PCDHA11: variants seen among roughly 807,000 people sequenced by gnomAD.
The protein encoded by PCDHA11 is protocadherin alpha-11.
In PCDHA11, 61 loss-of-function variants were observed where a neutral mutation model predicts 70.3. The observed-to-expected ratio is 0.87, with a 90% CI of 0.71 to 1.07. The LOEUF (loss-of-function observed/expected upper bound fraction) is 1.07. Ranked by LOEUF, PCDHA11 falls within the 50% of genes least tolerant of loss-of-function variation. The probability of loss-of-function intolerance (pLI) is 0.00; values close to 1 mark genes in which losing one functional copy is unlikely to be tolerated. For synonymous variants in PCDHA11, 633 were observed against 555.1 expected, an observed-to-expected ratio of 1.14 and a Z score of -1.97; for missense variants, 1,324 against 1,237.5, an observed-to-expected ratio of 1.07 and a Z score of -1.05.
At chr5:140,967,944 A>T in intron 1 of PCDHA11, 1 of 1,614,088 alleles carries the variant, frequency 6.2e-7, no homozygotes, top group Non-Finnish European at 8.5e-7. Flanking sequence ...AATGACCAAG[A>T]CTCAGGCCCC....
chr5:140,883,834 G>T (rs891069385), intron 1 of PCDHA11: 3 of 1,612,540 alleles, frequency 1.9e-6, no homozygotes, highest in Non-Finnish European at 2.5e-6. Context: ...CGCTGCAGCC[G>T]TTGGACCACG....
intron 1 of PCDHA11, chr5:140,967,558 C>G (rs1554229674): frequency 6.2e-7 from 1 of 1,614,050 alleles, no homozygotes; most frequent in South Asian, 1.1e-5. Flanking sequence ...CTTATCGCGT[C>G]CAGCTACGGG....
intron 1 of PCDHA11, among the ~76,000 whole-genome samples, chr5:140,934,797 T>A (rs1045887352): frequency 6.6e-6 from 1 of 152,236 alleles, no homozygotes; most frequent in African/African-American, 2.4e-5. Context: ...CAATTATCTT[T>A]TTAATGATCA....
intron 1 of PCDHA11, chr5:140,882,794 G>C: frequency 6.2e-7 from 1 of 1,614,188 alleles, no homozygotes; most frequent in Non-Finnish European, 8.5e-7. Context: ...GGATCCCAAC[G>C]ATTATTTCAC....
At chr5:140,967,613 G>C in intron 1 of PCDHA11, 1 of 1,614,182 alleles carries the variant, frequency 6.2e-7, no homozygotes, top group Non-Finnish European at 8.5e-7. Flanking sequence ...GAATGCCTCA[G>C]ACCCGGATGA....
chr5:140,919,915 A>G (rs1306747919), intron 1 of PCDHA11, among the ~76,000 whole-genome samples: 1 of 152,202 alleles, frequency 6.6e-6, no homozygotes, highest in Non-Finnish European at 1.5e-5. Context: ...AAATTACCCT[A>G]AATTTTCAGG....
At chr5:140,887,192 G>A (rs2061344460) in intron 1 of PCDHA11, among the ~76,000 whole-genome samples, 1 of 151,802 alleles carries the variant, frequency 6.6e-6, no homozygotes, top group African/African-American at 2.4e-5. Flanking sequence ...CACCTCCCGG[G>A]TTCACGCCAT....
chr5:140,894,096 C>T (rs1487747692), intron 1 of PCDHA11, among the ~76,000 whole-genome samples: 3 of 152,098 alleles, frequency 2.0e-5, no homozygotes, highest in African/African-American at 7.2e-5. Flanking sequence ...TCTTCTAGCT[C>T]CTGGTGTTGC....
intron 1 of PCDHA11, chr5:140,881,393 A>G: frequency 1.0e-6 from 1 of 979,646 alleles, no homozygotes; most frequent in Non-Finnish European, 1.2e-6. Context: ...GGTAAGTTAA[A>G]TTCTATTAAA....
chr5:140,938,485 T>C (rs2092087482), intron 1 of PCDHA11, among the ~76,000 whole-genome samples: 2 of 152,170 alleles, frequency 1.3e-5, no homozygotes, highest in African/African-American at 4.8e-5. Context: ...TTAAAAATCA[T>C]GAATAGGCAT....
chr5:140,953,961 G>C lies in PCDHA11; in HGVS notation c.2392-24988G>C, dbSNP rs140078691. ...CCCATTGCTCCCCCAACAGGCCCCA[G>C]TGTGTGTTGTTCCCCTTCATATTTT... On this transcript the variant is annotated intron_variant, in intron 1 of 3. Coordinates refer to ENST00000398640, the MANE Select transcript of PCDHA11 (RefSeq NM_018902.5). 1.0e-3 allele frequency among the ~76,000 whole-genome samples: 152 copies of C among 152,128 alleles called. 3 individuals are homozygous for C. In the East Asian group the frequency reaches 0.026, roughly 26 times the overall value.
chr5:140,905,963 G>A (rs182775194), intron 1 of PCDHA11, among the ~76,000 whole-genome samples: 9 of 152,308 alleles, frequency 5.9e-5, no homozygotes, highest in Admixed American at 5.9e-4. Flanking sequence ...TCAAGGGGAG[G>A]AAGATCCAGC....
intron 1 of PCDHA11, chr5:140,928,113 G>C: frequency 6.2e-7 from 1 of 1,614,228 alleles, no homozygotes; most frequent in Admixed American, 1.7e-5. Context: ...ACCGGGAGCA[G>C]ATCAGTGAAT....
Position 141,011,486 on chromosome 5 carries a change from T to C in PCDHA11, c.*1549T>C, listed in dbSNP as rs887081256. ...GAATGTAATTCCATTATATTTCCTT[T>C]TGTACACCTGTGAAAAAGTGGAGTA... is the stretch of plus-strand genomic sequence containing the variant. On this transcript the variant is annotated 3_prime_UTR_variant, in exon 4 of 4. Coordinates refer to ENST00000398640, the MANE Select transcript of PCDHA11 (RefSeq NM_018902.5). 15 of 153,928 alleles carry C rather than the reference T, an allele frequency of 9.7e-5. No homozygotes were observed. Among genetic ancestry groups the C allele is most frequent in the African/African-American group, 2.9e-4 (12 of 41,596 alleles). The allele number at this position is 153,928 out of a possible 1,614,324, so 9.5% of individuals were successfully genotyped here.
intron 1 of PCDHA11, among the ~76,000 whole-genome samples, chr5:140,906,586 C>G (rs1199094981): frequency 6.6e-6 from 1 of 152,218 alleles, no homozygotes; most frequent in African/African-American, 2.4e-5. Context: ...TGATGACTAC[C>G]TTCCTCTACT....
chr5:140,928,000 G>C, intron 1 of PCDHA11: 1 of 1,614,166 alleles, frequency 6.2e-7, no homozygotes. Flanking sequence ...TGAAGACCTC[G>C]ATTCTAATGG....
At chr5:141,008,707 T>C (rs1255261995) in intron 3 of PCDHA11, among the ~76,000 whole-genome samples, 1 of 152,216 alleles carries the variant, frequency 6.6e-6, no homozygotes, top group Non-Finnish European at 1.5e-5. Flanking sequence ...TGGTTTCTAG[T>C]TGCTTGAGTG....
chr5:140,966,793 G>A lies in PCDHA11; in HGVS notation c.2392-12156G>A, dbSNP rs1456903567. 4.6e-6 allele frequency: 7 copies of A among 1,532,300 alleles called. No homozygotes were observed. The Admixed American group carries it at 5.8e-5, about 13-fold the overall frequency. The allele number at this position is 1,532,300 out of a possible 1,614,324, so 94.9% of individuals were successfully genotyped here. A position where few individuals can be genotyped will look rare whatever the true frequency, so the allele number is the denominator to read the frequency against. ...TGGAGCAGGCGGGCACCAGACCTGC[G>A]GCGACAGAGCATCCACGGCTCCGGC... On this transcript the variant is annotated intron_variant, in intron 1 of 3. Transcript: ENST00000398640.
intron 3 of PCDHA11, among the ~76,000 whole-genome samples, chr5:140,987,224 A>C (rs28567024): frequency 6.6e-6 from 1 of 151,930 alleles, no homozygotes; most frequent in South Asian, 2.1e-4. Context: ...AAAAAAAAAA[A>C]AAATAATAAA....
Sources: allele counts gnomAD v4.1 joint callset (sites outside exome capture counted in the v4.1 genomes callset), GRCh38; gene constraint gnomAD v4.1.1; transcripts MANE v1.5; gene names NCBI Gene and HGNC (gene_info 2026-07-23, HGNC 2026-07-21).